Variants in ALG9 observed in about 807,000 individuals in gnomAD.
The protein encoded by ALG9 is alpha-1,2-mannosyltransferase ALG9.
ALG9 carries 55 observed loss-of-function variants against 81.8 expected under a neutral mutation model. The ratio of observed to expected loss-of-function variants is 0.67; its 90% CI spans 0.54 to 0.84. The LOEUF is 0.84. ALG9 is among the 40% of genes least tolerant of loss of function. ALG9 has a pLI of 0.00. For missense variants in ALG9, 629 were observed against 745.0 expected (o/e 0.84, Z 1.81); for synonymous variants, 278 against 274.3 (o/e 1.01, Z -0.13).
chr11:111,794,631 CTCTT>C (rs1353921983), intron 14 of ALG9, among the ~76,000 whole-genome samples: 3 of 152,054 alleles, frequency 2.0e-5, no homozygotes, highest in Non-Finnish European at 2.9e-5. Flanking sequence ...CTCCTCTCCT[CTCTT>C]TCTGTTTTTC....
At chr11:111,816,225 G>A (rs1279115259) in intron 13 of ALG9, among the ~76,000 whole-genome samples, 1 of 152,184 alleles carries the variant, frequency 6.6e-6, no homozygotes, top group East Asian at 1.9e-4. Context: ...AGCAAAAAAG[G>A]AATCTTCTAG....
At chr11:111,815,059 T>G (rs1951280470) in intron 13 of ALG9, among the ~76,000 whole-genome samples, 1 of 152,136 alleles carries the variant, frequency 6.6e-6, no homozygotes. Flanking sequence ...TTATCTAGAT[T>G]TGGTGTCGGG....
intron 8 of ALG9, 149 bp from the exon 9 acceptor site, chr11:111,844,872 G>T: frequency 1.1e-6 from 1 of 879,028 alleles, no homozygotes; most frequent in Non-Finnish European, 1.9e-6. Flanking sequence ...CCCATGCTAA[G>T]CTACACAAAA....
Position 111,870,359 on chromosome 11 carries a change from T to A in ALG9, c.143A>T (p.Asn48Ile). 1 of 1,580,242 alleles carries A rather than the reference T, an allele frequency of 6.3e-7. No individual in the cohort carries two copies. The highest frequency in any genetic ancestry group is 8.6e-7 in the Non-Finnish European group (1 of 1,168,486). Residue 48 changes from asparagine to isoleucine, a missense_variant, in exon 2 of 15, where the codon AAC becomes ATC. This residue lies in a region of ALG9 where 344 missense variants were observed against 390.5 expected (regional missense o/e 0.88). Transcript: ENST00000616540. ...AGGTGCCCAGACTTGTCCTGCTTTGTTCCCAGATAACCTGTTCAAAAGCAA... is the reference window on the plus strand; with the variant it reads ...AGGTGCCCAGACTTGTCCTGCTTTGATCCCAGATAACCTGTTCAAAAGCAA... ...GAEHRTELSGNKAGQVWAPEG... is the reference protein window; with the variant it reads ...GAEHRTELSGIKAGQVWAPEG...
chr11:111,855,191 C>T (rs1305853796), intron 6 of ALG9, among the ~76,000 whole-genome samples: 1 of 152,182 alleles, frequency 6.6e-6, no homozygotes, highest in Non-Finnish European at 1.5e-5. Flanking sequence ...CACATATGTT[C>T]TCTGTTGCAT....
chr11:111,787,556 A>C (rs902582037), intron 14 of ALG9, among the ~76,000 whole-genome samples: 8 of 151,878 alleles, frequency 5.3e-5, no homozygotes, highest in Non-Finnish European at 1.2e-4. Flanking sequence ...TCCCGGGTTC[A>C]CGCCATTCTC....
downstream of ALG9, among the ~76,000 whole-genome samples, chr11:111,780,069 T>C (rs782354340): frequency 2.6e-5 from 4 of 152,172 alleles, no homozygotes; most frequent in Non-Finnish European, 4.4e-5. Flanking sequence ...ATGGCTACGG[T>C]CATCTTGCAG....
At chr11:111,800,925 A>C (rs140159532) in intron 14 of ALG9, among the ~76,000 whole-genome samples, 5 of 152,336 alleles carry the variant, frequency 3.3e-5, no homozygotes, top group Non-Finnish European at 7.3e-5. Flanking sequence ...GCAGGGTTAG[A>C]TTTTAGGAAC....
intron 6 of ALG9, among the ~76,000 whole-genome samples, chr11:111,854,295 A>G (rs1592313793): frequency 1.0e-4 from 12 of 118,488 alleles, no homozygotes; most frequent in South Asian, 2.7e-4. Context: ...TTTGAGACAG[A>G]GTCTCACTCT....
intron 8 of ALG9, among the ~76,000 whole-genome samples, chr11:111,853,080 T>TA (rs200952010): frequency 3.5e-4 from 49 of 140,478 alleles, no homozygotes; most frequent in East Asian, 6.0e-4. Flanking sequence ...AACTTTTAAT[T>TA]AAAAAAAAAA....
chr11:111,770,410 C>G, the ALG9 span, among the ~76,000 whole-genome samples: 1 of 152,014 alleles, frequency 6.6e-6, no homozygotes, highest in Non-Finnish European at 1.5e-5. Context: ...CACCCGTGTC[C>G]AGAAGAAATC....
At chr11:111,825,677 T>C (rs555458859) in intron 13 of ALG9, among the ~76,000 whole-genome samples, 1 of 152,310 alleles carries the variant, frequency 6.6e-6, no homozygotes, top group South Asian at 2.1e-4. Context: ...TTTAATAACA[T>C]TTTAAGTTTG....
chr11:111,850,141 G>A (rs1325082223), intron 8 of ALG9, among the ~76,000 whole-genome samples: 1 of 152,030 alleles, frequency 6.6e-6, no homozygotes, highest in East Asian at 1.9e-4. Context: ...GATTTAAAAG[G>A]TATTTTATTT....
the ALG9 span, among the ~76,000 whole-genome samples, chr11:111,772,723 A>C: frequency 2.0e-5 from 3 of 152,372 alleles, no homozygotes; most frequent in African/African-American, 7.2e-5. Flanking sequence ...CTACTGAGGA[A>C]GTGGGAGCAA....
At chr11:111,808,473 T>C (rs1039294309) in intron 14 of ALG9, among the ~76,000 whole-genome samples, 1 of 152,222 alleles carries the variant, frequency 6.6e-6, no homozygotes, top group Non-Finnish European at 1.5e-5. Flanking sequence ...TCAGAACAAC[T>C]GGATTCTTGC....
chr11:111,863,893 A>T (rs529373266), intron 4 of ALG9, among the ~76,000 whole-genome samples: 1 of 152,226 alleles, frequency 6.6e-6, no homozygotes, highest in Non-Finnish European at 1.5e-5. Flanking sequence ...AGTAAAGACC[A>T]GTTAGATAGT....
chr11:111,853,210 T>C (rs1555140320), intron 8 of ALG9, among the ~76,000 whole-genome samples, 170 bp downstream of exon 8: 1 of 152,004 alleles, frequency 6.6e-6, no homozygotes, highest in Non-Finnish European at 1.5e-5. Context: ...AATATTTGAG[T>C]GGCTACGTGT....
chr11:111,869,425 A>C (rs1219672372), intron 2 of ALG9, among the ~76,000 whole-genome samples: 3 of 152,198 alleles, frequency 2.0e-5, no homozygotes, highest in Admixed American at 2.0e-4. Context: ...ATTTAGTAAC[A>C]CTATTTTGGT....
chr11:111,862,374 T>C (rs1960569463), intron 4 of ALG9, among the ~76,000 whole-genome samples: 1 of 151,826 alleles, frequency 6.6e-6, no homozygotes. Context: ...GCTGGGGCTA[T>C]AGGCATGTGC....
Sources: allele counts gnomAD v4.1 joint callset (sites outside exome capture counted in the v4.1 genomes callset), GRCh38; gene constraint gnomAD v4.1.1; regional missense constraint gnomAD v4.1.1; transcripts MANE v1.5; gene names NCBI Gene and HGNC (gene_info 2026-07-23, HGNC 2026-07-21).